Variants in ZNF423 observed in about 807,000 individuals in gnomAD.
ZNF423 encodes zinc finger protein 423.
ZNF423 carries 12 observed loss-of-function variants against 95.8 expected under a neutral mutation model. The observed-to-expected ratio is 0.13, with a 90% confidence interval of 0.08 to 0.20. The LOEUF (loss-of-function observed/expected upper bound fraction) is 0.20, where lower values mean the gene tolerates loss of function less well. Ranked by LOEUF, ZNF423 falls within the 10% of genes least tolerant of loss-of-function variation. The pLI is 1.00. For missense variants in ZNF423, 1,316 were observed against 1,737.1 expected (o/e 0.76, Z 4.31); for synonymous variants, 749 against 711.9 (o/e 1.05, Z -0.83).
At chr16:49,510,081 G>T (rs1198702775) in intron 7 of ZNF423, among the ~76,000 whole-genome samples, 1 of 152,236 alleles carries the variant, frequency 6.6e-6, no homozygotes, top group Non-Finnish European at 1.5e-5. Context: ...TAAACTCGCT[G>T]TTGAGCCTGC....
intron 5 of ZNF423, among the ~76,000 whole-genome samples, chr16:49,602,852 G>A (rs906365712): frequency 5.3e-5 from 8 of 152,092 alleles, no homozygotes; most frequent in African/African-American, 9.7e-5. Flanking sequence ...GTGGCCCCGC[G>A]GCTGCCAAAA....
At chr16:49,574,572 A>C (rs1271307564) in intron 5 of ZNF423, among the ~76,000 whole-genome samples, 1 of 152,202 alleles carries the variant, frequency 6.6e-6, no homozygotes, top group East Asian at 1.9e-4. Flanking sequence ...GGTGAAACCT[A>C]GTAGGTATCC....
intron 1 of ZNF423, among the ~76,000 whole-genome samples, chr16:49,824,278 G>A (rs1259001447): frequency 1.3e-5 from 2 of 152,094 alleles, no homozygotes; most frequent in Non-Finnish European, 2.9e-5. Context: ...CCTCCCAGCA[G>A]TCCCAAAGGT....
intron 1 of ZNF423, chr16:49,826,935 G>A (rs2035010886): frequency 6.6e-6 from 1 of 152,200 alleles, no homozygotes; most frequent in African/African-American, 2.4e-5. Flanking sequence ...GATAAAATGA[G>A]GATGCCTGAA....
At chr16:49,757,838 GGAAA>G (rs1277930080) in intron 2 of ZNF423, among the ~76,000 whole-genome samples, 1 of 152,144 alleles carries the variant, frequency 6.6e-6, no homozygotes, top group Non-Finnish European at 1.5e-5. Flanking sequence ...GGAAAGAAAG[GGAAA>G]GAAAGAATGA....
At chr16:49,507,001 C>T (rs111739052) in intron 7 of ZNF423, among the ~76,000 whole-genome samples, 1,720 of 151,994 alleles carry the variant, frequency 0.011, 38 homozygotes, top group African/African-American at 0.04. Flanking sequence ...CTGGGTAGGA[C>T]GGTAAACGTT....
At chr16:49,558,057 G>A (rs988545799) in intron 5 of ZNF423, among the ~76,000 whole-genome samples, 1 of 152,188 alleles carries the variant, frequency 6.6e-6, no homozygotes. Flanking sequence ...ATCCTGCAGT[G>A]CTGGAGGTTT....
intron 3 of ZNF423, among the ~76,000 whole-genome samples, chr16:49,640,560 G>A (rs1204603978): frequency 2.0e-5 from 3 of 152,104 alleles, no homozygotes; most frequent in African/African-American, 7.2e-5. Flanking sequence ...CTCACAGCTG[G>A]GGCTGAGCCT....
intron 2 of ZNF423, among the ~76,000 whole-genome samples, chr16:49,787,712 G>C (rs1167553508): frequency 6.6e-6 from 1 of 152,106 alleles, no homozygotes; most frequent in African/African-American, 2.4e-5. Context: ...CCCCTGCCCA[G>C]GGCTGTCTGT....
intron 1 of ZNF423, among the ~76,000 whole-genome samples, chr16:49,792,678 T>A (rs1481815834): frequency 6.6e-6 from 1 of 152,154 alleles, no homozygotes; most frequent in Non-Finnish European, 1.5e-5. Context: ...CCATATTCTG[T>A]TTTTTGAAGG....
At chr16:49,852,494 TA>T in intron 1 of ZNF423, among the ~76,000 whole-genome samples, 1 of 152,170 alleles carries the variant, frequency 6.6e-6, no homozygotes, top group South Asian at 2.1e-4. Flanking sequence ...TGGTAATCGT[TA>T]ACCAAACCAC....
chr16:49,655,942 G>A (rs1424689040), intron 3 of ZNF423, among the ~76,000 whole-genome samples: 1 of 152,156 alleles, frequency 6.6e-6, no homozygotes, highest in Non-Finnish European at 1.5e-5. Context: ...TAACTCCAGT[G>A]GGGTTTTGTT....
intron 1 of ZNF423, among the ~76,000 whole-genome samples, chr16:49,800,208 C>T (rs1018936937): frequency 6.6e-6 from 1 of 151,244 alleles, no homozygotes; most frequent in South Asian, 2.1e-4. Context: ...TGTGCCACTG[C>T]ACTCCAACCT....
intron 1 of ZNF423, among the ~76,000 whole-genome samples, chr16:49,831,735 A>T (rs1181748636): frequency 6.6e-6 from 1 of 152,178 alleles, no homozygotes; most frequent in Non-Finnish European, 1.5e-5. Flanking sequence ...TCACGCCTGT[A>T]ATCCCAGCAC....
chr16:49,798,931 T>C (rs769792326), intron 1 of ZNF423, among the ~76,000 whole-genome samples: 1 of 152,178 alleles, frequency 6.6e-6, no homozygotes, highest in Non-Finnish European at 1.5e-5. Context: ...CAGGGAATAA[T>C]CCAAGAATTC....
Position 49,633,913 on chromosome 16 carries a change from C to CT in ZNF423, c.3516+1746dup, listed in dbSNP as rs959937931. Among the ~76,000 whole-genome samples, 197 of 147,276 alleles carry CT rather than the reference C, an allele frequency of 1.3e-3. 3 individuals are homozygous for CT. Among genetic ancestry groups the CT allele is most frequent in the Middle Eastern group, 3.6e-3 (1 of 278 alleles). ...TTTCTTTTTCTTCCTTTCTTTCTTT[C>CT]TTTTTTTTTTTGAGATGGAGTCTTC... On this transcript the variant is annotated intron_variant, in intron 4 of 7. Coordinates refer to ENST00000563137, the MANE Select transcript of ZNF423 (RefSeq NM_001379286.1).
intron 1 of ZNF423, among the ~76,000 whole-genome samples, chr16:49,845,078 A>T (rs2035231043): frequency 6.7e-6 from 1 of 149,840 alleles, no homozygotes; most frequent in South Asian, 2.1e-4. Flanking sequence ...TCTTTTAGAC[A>T]TAATGACCCA....
At chr16:49,693,298 GC>G (rs2031855723) in intron 3 of ZNF423, among the ~76,000 whole-genome samples, 1 of 152,160 alleles carries the variant, frequency 6.6e-6, no homozygotes, top group Admixed American at 6.5e-5. Context: ...TGAGGTATAT[GC>G]TATCGTTAGT....
chr16:49,719,586 T>TC (rs1479437847), intron 3 of ZNF423, among the ~76,000 whole-genome samples: 1 of 152,056 alleles, frequency 6.6e-6, no homozygotes, highest in East Asian at 1.9e-4. Flanking sequence ...GGGGCAGATT[T>TC]CCCCCTTGCT....
Sources: gnomAD v4.1 joint callset for allele counts (sites outside exome capture counted in the v4.1 genomes callset) on GRCh38, gnomAD v4.1.1 for gene constraint, MANE v1.5 for transcripts, NCBI Gene and HGNC (gene_info 2026-07-23, HGNC 2026-07-21) for gene names.